The following CDIN1 variants were observed in gnomAD, a reference collection of about 807,000 sequenced individuals.
CDIN1 encodes the protein CDAN1-interacting nuclease 1.
Under a neutral mutation model 45.3 loss-of-function variants are expected in CDIN1, and 33 were observed. The ratio of observed to expected loss-of-function variants is 0.73; its 90% CI spans 0.55 to 0.97. The LOEUF is 0.97. CDIN1 is among the 50% of genes least tolerant of loss of function. The probability of loss-of-function intolerance (pLI) is 0.00; values close to 1 mark genes in which losing one functional copy is unlikely to be tolerated. For synonymous variants in CDIN1, 118 were observed against 124.4 expected (o/e 0.95, Z 0.34); for missense variants, 303 against 339.4 (o/e 0.89, Z 0.84).
At chr15:36,801,712 C>G (rs1375358402) in intron 10 of CDIN1, among the ~76,000 whole-genome samples, 1 of 152,170 alleles carries the variant, frequency 6.6e-6, no homozygotes, top group Non-Finnish European at 1.5e-5. Context: ...TTTCTCTTCT[C>G]TGAACTTTAT....
chr15:36,736,521 C>T (rs994136587), intron 10 of CDIN1, among the ~76,000 whole-genome samples: 2 of 152,136 alleles, frequency 1.3e-5, no homozygotes, highest in Non-Finnish European at 2.9e-5. Context: ...GGTTATACTC[C>T]TGCATCCTAC....
intron 7 of CDIN1, among the ~76,000 whole-genome samples, chr15:36,694,053 T>G (rs1355151781): frequency 1.3e-5 from 2 of 152,218 alleles, no homozygotes; most frequent in African/African-American, 4.8e-5. Context: ...ACTACAGATT[T>G]TATAAGTTTT....
chr15:36,597,980 G>A (rs992713831), intron 1 of CDIN1, among the ~76,000 whole-genome samples: 2 of 152,144 alleles, frequency 1.3e-5, no homozygotes, highest in Non-Finnish European at 2.9e-5. Flanking sequence ...CTCATAAATG[G>A]ACGTAAAACT....
At chr15:36,672,385 C>T (rs2140546023) in intron 5 of CDIN1, among the ~76,000 whole-genome samples, 1 of 152,024 alleles carries the variant, frequency 6.6e-6, no homozygotes, top group Non-Finnish European at 1.5e-5. Context: ...CCTCTGTGTG[C>T]CAGGTACTAT....
intron 8 of CDIN1, chr15:36,706,608 A>C (rs1270412582): frequency 6.7e-6 from 1 of 148,152 alleles, no homozygotes; most frequent in African/African-American, 2.5e-5. Flanking sequence ...GCAAGACTTC[A>C]TCTCAAAAAA....
At chr15:36,794,987 TG>T (rs1485064455) in intron 10 of CDIN1, among the ~76,000 whole-genome samples, 1 of 152,212 alleles carries the variant, frequency 6.6e-6, no homozygotes, top group African/African-American at 2.4e-5. Flanking sequence ...TGCAACAACA[TG>T]GATGGAACTG....
chr15:36,719,007 T>G (rs777717868), intron 10 of CDIN1, among the ~76,000 whole-genome samples: 1 of 151,784 alleles, frequency 6.6e-6, no homozygotes, highest in Admixed American at 6.6e-5. Flanking sequence ...GAGAATCTCT[T>G]GAGGCCAGGG....
intron 1 of CDIN1, chr15:36,617,985 A>G (rs1184388835): frequency 2.6e-6 from 2 of 778,838 alleles, no homozygotes; most frequent in South Asian, 2.7e-5. Flanking sequence ...ACTCAAGCAC[A>G]GTATGCCTCC....
intron 1 of CDIN1, among the ~76,000 whole-genome samples, chr15:36,628,367 C>T (rs1244148341): frequency 6.6e-6 from 1 of 152,136 alleles, no homozygotes; most frequent in Non-Finnish European, 1.5e-5. Context: ...TGTGATTTCT[C>T]CATGCTGTTA....
chr15:36,645,434 G>T (rs1313406533), intron 3 of CDIN1, 147 bp downstream of exon 3: 37 of 733,268 alleles, frequency 5.0e-5, no homozygotes, highest in Non-Finnish European at 7.6e-5. Context: ...GTATGTTTTT[G>T]AATGAGTTTT....
chr15:36,639,535 C>T (rs1450668763), intron 1 of CDIN1, among the ~76,000 whole-genome samples: 2 of 152,094 alleles, frequency 1.3e-5, no homozygotes, highest in African/African-American at 2.4e-5. Flanking sequence ...TTGCAGTGAG[C>T]CGAGACTGCG....
intron 1 of CDIN1, among the ~76,000 whole-genome samples, chr15:36,611,118 T>C (rs2038628163): frequency 6.6e-6 from 1 of 152,248 alleles, no homozygotes; most frequent in African/African-American, 2.4e-5. Flanking sequence ...GAACTTATTA[T>C]AACAGGCTTT....
intron 1 of CDIN1, 85 bp from the exon 2 acceptor site, chr15:36,644,193 A>G: frequency 7.8e-7 from 1 of 1,277,922 alleles, no homozygotes; most frequent in East Asian, 2.3e-5. Flanking sequence ...ACAGGGCAGC[A>G]GGCCTACCTT....
At chr15:36,593,110 A>T (rs2037659311) in intron 1 of CDIN1, among the ~76,000 whole-genome samples, 1 of 152,208 alleles carries the variant, frequency 6.6e-6, no homozygotes, top group African/African-American at 2.4e-5. Context: ...ACGGTTCCTG[A>T]TACTACACTG....
At chr15:36,744,483 C>T (rs984399360) in intron 10 of CDIN1, among the ~76,000 whole-genome samples, 8 of 152,096 alleles carry the variant, frequency 5.3e-5, no homozygotes, top group African/African-American at 1.7e-4. Context: ...ACCTCTTGAG[C>T]GCCTACTATG....
chr15:36,667,908 G>A (rs1033216911), intron 5 of CDIN1, among the ~76,000 whole-genome samples: 5 of 152,102 alleles, frequency 3.3e-5, no homozygotes, highest in African/African-American at 1.2e-4. Context: ...TAGATTGTAG[G>A]TAATTTCTGC....
chr15:36,596,292 TA>T (rs1222040243), intron 1 of CDIN1, among the ~76,000 whole-genome samples: 1 of 152,074 alleles, frequency 6.6e-6, no homozygotes, highest in Non-Finnish European at 1.5e-5. Context: ...CAAAGGAATA[TA>T]AACCTACTGC....
At chr15:36,693,692 C>T (rs193091273) in intron 7 of CDIN1, among the ~76,000 whole-genome samples, 1 of 152,214 alleles carries the variant, frequency 6.6e-6, no homozygotes, top group East Asian at 1.9e-4. Flanking sequence ...GGCTATTTTT[C>T]AGTAATAGTT....
At chr15:36,590,885 A>G (rs1481055509) in intron 1 of CDIN1, among the ~76,000 whole-genome samples, 2 of 152,212 alleles carry the variant, frequency 1.3e-5, no homozygotes, top group East Asian at 1.9e-4. Flanking sequence ...GGCTAAGCTC[A>G]CTTACCAGCA....
Sources: allele counts gnomAD v4.1 joint callset (sites outside exome capture counted in the v4.1 genomes callset), GRCh38; gene constraint gnomAD v4.1.1; transcripts MANE v1.5; gene names NCBI Gene and HGNC (gene_info 2026-07-23, HGNC 2026-07-21).